The following LGSN variants were observed in gnomAD, a reference collection of about 807,000 sequenced individuals.
The protein encoded by LGSN is lengsin, lens protein with glutamine synthetase domain.
Under a neutral mutation model 19.5 loss-of-function variants are expected in LGSN, and 21 were observed. The observed-to-expected ratio is 1.07, with a 90% CI of 0.76 to 1.55. LGSN has a LOEUF of 1.55. LGSN is among the 40% of genes most tolerant of loss of function. The probability of loss-of-function intolerance (pLI) is 0.00; values close to 1 mark genes in which losing one functional copy is unlikely to be tolerated. For synonymous variants in LGSN, 257 were observed against 215.6 expected, an observed-to-expected ratio of 1.19 and a Z score of -1.68; for missense variants, 673 against 608.5, an observed-to-expected ratio of 1.11 and a Z score of -1.12.
At chr6:63,319,846 T>G (rs758290085) in intron 1 of LGSN, 68 bp downstream of exon 1, 8 of 1,103,782 alleles carry the variant, frequency 7.2e-6, no homozygotes, top group African/African-American at 6.2e-5. Context: ...ATTCAAATAA[T>G]TGACATTTTT....
chr6:63,392,948 G>T, the LGSN span, among the ~76,000 whole-genome samples: 9 of 125,948 alleles, frequency 7.1e-5, no homozygotes, highest in Admixed American at 4.2e-4. Context: ...GTGCAGTGGC[G>T]CAATCTCTGC....
At chr6:63,510,997 G>A in the LGSN span, among the ~76,000 whole-genome samples, 1 of 151,896 alleles carries the variant, frequency 6.6e-6, no homozygotes, top group Non-Finnish European at 1.5e-5. Context: ...ATTTAGAGGA[G>A]CAGCTAGACA....
At chr6:63,547,552 C>G in the LGSN span, among the ~76,000 whole-genome samples, 1 of 136,552 alleles carries the variant, frequency 7.3e-6, no homozygotes, top group Non-Finnish European at 1.5e-5. Flanking sequence ...GTCGCCCAGG[C>G]TGGAGTGCAG....
the LGSN span, among the ~76,000 whole-genome samples, chr6:63,450,775 T>A: frequency 1.4e-4 from 22 of 151,778 alleles, no homozygotes; most frequent in African/African-American, 5.3e-4. Flanking sequence ...TGGGTTCAAG[T>A]GATTCTCTTG....
At chr6:63,395,123 G>A in the LGSN span, 1 of 153,130 alleles carries the variant, frequency 6.5e-6, no homozygotes, top group African/African-American at 2.4e-5. Flanking sequence ...TGTGACCTTG[G>A]GGAAAGGTAG....
chr6:63,289,627 A>T (rs1010082894), intron 2 of LGSN, among the ~76,000 whole-genome samples: 13 of 85,274 alleles, frequency 1.5e-4, no homozygotes, highest in South Asian at 1.2e-3. Context: ...AGAAAATATT[A>T]AAAAAAAAAA....
chr6:63,336,577 G>A, the LGSN span, among the ~76,000 whole-genome samples: 12 of 135,276 alleles, frequency 8.9e-5, no homozygotes, highest in East Asian at 2.3e-4. Context: ...ATATATATAT[G>A]TATAAAATTA....
the LGSN span, among the ~76,000 whole-genome samples, chr6:63,367,373 A>T: frequency 2.0e-4 from 30 of 152,336 alleles, 1 homozygote; most frequent in Admixed American, 5.9e-4. Context: ...GAGAAATGCA[A>T]ATCAAAACCA....
the LGSN span, among the ~76,000 whole-genome samples, chr6:63,389,485 T>C: frequency 1.3e-5 from 2 of 152,302 alleles, no homozygotes; most frequent in African/African-American, 4.8e-5. Flanking sequence ...CTTGACCCCA[T>C]TGCAAAATCT....
chr6:63,539,023 G>A, the LGSN span, among the ~76,000 whole-genome samples: 1 of 151,978 alleles, frequency 6.6e-6, no homozygotes, highest in Admixed American at 6.6e-5. Context: ...TTCCCACATA[G>A]CTGGGATTAC....
At chr6:63,546,968 C>T in the LGSN span, among the ~76,000 whole-genome samples, 2 of 152,140 alleles carry the variant, frequency 1.3e-5, no homozygotes, top group African/African-American at 4.8e-5. Flanking sequence ...GTCAATTACT[C>T]TTTAAACCTT....
chr6:63,434,584 C>A, the LGSN span, among the ~76,000 whole-genome samples: 1 of 145,312 alleles, frequency 6.9e-6, no homozygotes, highest in Admixed American at 6.9e-5. Context: ...CATGGTGAAA[C>A]CCTGTCTCTA....
chr6:63,528,199 C>T, the LGSN span: 1 of 152,194 alleles, frequency 6.6e-6, no homozygotes, highest in Non-Finnish European at 1.5e-5. Context: ...CACTGAAATT[C>T]TTACTGATCT....
At chr6:63,477,022 A>T in the LGSN span, among the ~76,000 whole-genome samples, 1 of 152,220 alleles carries the variant, frequency 6.6e-6, no homozygotes. Flanking sequence ...GCCTAGACAG[A>T]TGGAAAATAA....
At chr6:63,484,251 C>G in the LGSN span, among the ~76,000 whole-genome samples, 4 of 152,114 alleles carry the variant, frequency 2.6e-5, no homozygotes. Context: ...GCCTGTAATC[C>G]CAGCACTTTA....
At chr6:63,439,132 C>G in the LGSN span, among the ~76,000 whole-genome samples, 16,840 of 151,894 alleles carry the variant, frequency 0.11, 1,935 homozygotes, top group African/African-American at 0.29. Flanking sequence ...CATATTCTCA[C>G]TCATAGGTGG....
chr6:63,336,575 A>ATGTGTGTGTGTG, the LGSN span, among the ~76,000 whole-genome samples: 2 of 148,618 alleles, frequency 1.3e-5, 1 homozygote, highest in African/African-American at 5.0e-5. Context: ...ATATATATAT[A>ATGTGTGTGTGTG]TGTATAAAAT....
At chr6:63,365,541 T>A in the LGSN span, among the ~76,000 whole-genome samples, 1 of 152,322 alleles carries the variant, frequency 6.6e-6, no homozygotes, top group African/African-American at 2.4e-5. Flanking sequence ...CTTCTGAAAC[T>A]ATTCCAATCA....
chr6:63,298,835 T>A (rs1183396854), intron 1 of LGSN, among the ~76,000 whole-genome samples: 3 of 152,250 alleles, frequency 2.0e-5, no homozygotes, highest in African/African-American at 7.2e-5. Flanking sequence ...CCTATTGATG[T>A]GCAGAACATT....
Sources: allele counts gnomAD v4.1 joint callset (sites outside exome capture counted in the v4.1 genomes callset), GRCh38; gene constraint gnomAD v4.1.1; transcripts MANE v1.5; gene names NCBI Gene and HGNC (gene_info 2026-07-23, HGNC 2026-07-21).